Variants in CIP2A observed in about 807,000 individuals in gnomAD.
CIP2A encodes the protein cellular inhibitor of PP2A.
A neutral mutation model predicts 110.9 loss-of-function variants in CIP2A; 103 were observed. The observed-to-expected ratio is 0.93, with a 90% CI of 0.79 to 1.09. The LOEUF (loss-of-function observed/expected upper bound fraction) is 1.09. Ranked by LOEUF, CIP2A falls within the 50% of genes least tolerant of loss-of-function variation. The probability of loss-of-function intolerance (pLI) is 0.00; values close to 1 mark genes in which losing one functional copy is unlikely to be tolerated. For synonymous variants in CIP2A, 381 were observed against 361.6 expected (o/e 1.05, Z -0.61); for missense variants, 1,088 against 1,038.4 (o/e 1.05, Z -0.66).
intron 4 of CIP2A, 141 bp from the exon 5 acceptor site, chr3:108,581,652 A>G (rs908554075): frequency 5.0e-6 from 3 of 595,416 alleles, no homozygotes; most frequent in South Asian, 2.2e-5. Context: ...ACTAATTAAC[A>G]TAAGAAGCCA....
Position 108,583,111 on chromosome 3 carries a change from A to G in CIP2A, c.251-28T>C, listed in dbSNP as rs767997566. ...ATAAGTTAAAATAAAAGCACAAAAT[A>G]TATCATTTTCTTACAAGGTTTTGCA... On this transcript the variant is annotated intron_variant, in intron 2 of 20. Transcript: ENST00000295746. 4.8e-6 allele frequency: 6 copies of G among 1,260,552 alleles called. 1 individual carries two copies. In the Middle Eastern group the frequency reaches 7.6e-4, roughly 160 times the overall value. 78.1% of individuals were successfully genotyped at this position (1,260,552 alleles called of 1,614,324 possible).
At chr3:108,576,427 T>C in intron 7 of CIP2A, 81 bp from the exon 8 acceptor site, 1 of 732,496 alleles carries the variant, frequency 1.4e-6, no homozygotes, top group Non-Finnish European at 2.2e-6. Context: ...AAGATAAATA[T>C]AAAATTTATG....
Position 108,589,395 on chromosome 3 carries a change from C to G in CIP2A, c.-20G>C, listed in dbSNP as rs573248436. On this transcript the variant is annotated 5_prime_UTR_variant, in exon 1 of 21. Transcript: ENST00000295746. ...GTCCATTGCACCGGCCGCGGCCCGG[C>G]TTAGGGACCACCACCGCCCAGCGTG... 1 of 1,580,576 alleles carries G rather than the reference C, an allele frequency of 6.3e-7. No homozygotes were observed. The highest frequency in any genetic ancestry group is 1.3e-5 in the African/African-American group (1 of 74,184).
At position 108,576,215 on chromosome 3, in the gene CIP2A, G is replaced by C. The variant is rs1938645878; in HGVS notation, c.894+56C>G. ...TTCTGTATTTTGCAGTTTTTTAAAA[G>C]TTTCGGCATTTTGCAGTTTTTAAAA... On this transcript the variant is annotated intron_variant, in intron 8 of 20. Coordinates refer to ENST00000295746, the MANE Select transcript of CIP2A (RefSeq NM_020890.3). 2.7e-6 allele frequency: 3 copies of C among 1,121,152 alleles called. No homozygotes were observed. The East Asian group carries it at 7.7e-5, about 29-fold the overall frequency. 69.5% of individuals were successfully genotyped at this position (1,121,152 alleles called of 1,614,324 possible). A position where few individuals can be genotyped will look rare whatever the true frequency, so the allele number is the denominator to read the frequency against.
chr3:108,567,814 A>C (rs1341668325), intron 10 of CIP2A, among the ~76,000 whole-genome samples: 5 of 151,948 alleles, frequency 3.3e-5, no homozygotes, highest in Non-Finnish European at 7.4e-5. Flanking sequence ...AATAATTAGC[A>C]TCAAGCAGAA....
intron 7 of CIP2A, 39 bp from the exon 8 acceptor site, chr3:108,576,385 TA>T: frequency 9.7e-7 from 1 of 1,032,838 alleles, no homozygotes; most frequent in Non-Finnish European, 1.4e-6. Context: ...ATGATAAATA[TA>T]AAATTGATAC....
At chr3:108,567,961 A>C (rs1374967534) in intron 10 of CIP2A, among the ~76,000 whole-genome samples, 194 bp downstream of exon 10, 2 of 152,010 alleles carry the variant, frequency 1.3e-5, no homozygotes, top group African/African-American at 4.8e-5. Flanking sequence ...ACAGAAAAAT[A>C]AGGAAAAAAA....
At chr3:108,553,112 T>C (rs1367967584) in intron 19 of CIP2A, among the ~76,000 whole-genome samples, 2 of 143,932 alleles carry the variant, frequency 1.4e-5, no homozygotes, top group Non-Finnish European at 1.5e-5. Context: ...CAATCATCTC[T>C]TTCCTTTTGT....
At chr3:108,575,903 C>CTCATATACATGTGTATGAGT (rs1559699776) in intron 8 of CIP2A, among the ~76,000 whole-genome samples, 6 of 131,166 alleles carry the variant, frequency 4.6e-5, no homozygotes, top group African/African-American at 1.8e-4. Flanking sequence ...AGTATATATA[C>CTCATATACATGTGTATGAGT]ATATATACAT....
rs759236757 is a variant in CIP2A at position 108,568,252 on chromosome 3, T to A, written c.1176A>T (p.Thr392=). The change falls in exon 10 of 21, where the codon ACA becomes ACT. Residue 392 remains threonine (T), a synonymous_variant. Transcript: ENST00000295746. ...CTGTGAACTGAAGTTGATCAAGGAT[T>A]GTAGGCAGCAGAAGGGTCACAAAAC... ...ADRFVTLLLP[T]ILDQLQFTEQ... 6.2e-7 allele frequency: 1 copy of A among 1,612,366 alleles called. No homozygotes were observed. The highest frequency in any genetic ancestry group is 1.1e-5 in the South Asian group (1 of 91,034).
chr3:108,569,796 T>C (rs1183388198), intron 8 of CIP2A, among the ~76,000 whole-genome samples, 189 bp from the exon 9 acceptor site: 1 of 152,044 alleles, frequency 6.6e-6, no homozygotes, highest in Non-Finnish European at 1.5e-5. Flanking sequence ...ATAAACTTAT[T>C]AATGGTGGTT....
intron 1 of CIP2A, among the ~76,000 whole-genome samples, chr3:108,588,661 T>C (rs1939176076): frequency 6.6e-6 from 1 of 152,048 alleles, no homozygotes; most frequent in African/African-American, 2.4e-5. Context: ...AAGATTAAGA[T>C]CCTAAAACAA....
At chr3:108,560,071 T>G in intron 14 of CIP2A, 43 bp from the exon 15 acceptor site, 1 of 1,151,452 alleles carries the variant, frequency 8.7e-7, no homozygotes, top group East Asian at 2.5e-5. Flanking sequence ...TAATAAAATA[T>G]TTTGACACAA....
At chr3:108,559,557 A>G (rs1937927331) in intron 16 of CIP2A, among the ~76,000 whole-genome samples, 200 bp downstream of exon 16, 4 of 152,172 alleles carry the variant, frequency 2.6e-5, no homozygotes, top group Admixed American at 1.3e-4. Flanking sequence ...ACATAGGAAA[A>G]TAATACAAGG....
Position 108,582,167 on chromosome 3 carries a change from G to A in CIP2A, c.393C>T (p.Val131=). ...IQLLQKLTYN[V]KIFYSGANID... ...TATTGGCACCAGAATAGAAAATTTT[G>A]ACATTATATGTTAACTTCTGTAGAA... Residue 131 remains valine, a synonymous_variant, in exon 4 of 21, where the codon GTC becomes GTT. Transcript: ENST00000295746. 6.7e-7 allele frequency: 1 copy of A among 1,484,918 alleles called. No homozygotes were observed. The highest frequency in any genetic ancestry group is 1.2e-5 in the South Asian group (1 of 80,104). The allele number at this position is 1,484,918 out of a possible 1,614,324, so 92.0% of individuals were successfully genotyped here.
intron 8 of CIP2A, among the ~76,000 whole-genome samples, chr3:108,571,736 T>G (rs1447707869): frequency 6.6e-6 from 1 of 152,184 alleles, no homozygotes; most frequent in African/African-American, 2.4e-5. Flanking sequence ...CAGTACTACA[T>G]TTTGTACACA....
chr3:108,580,436 AACACACACACACAC>A (rs375166090), intron 5 of CIP2A, among the ~76,000 whole-genome samples: 13 of 142,260 alleles, frequency 9.1e-5, no homozygotes, highest in South Asian at 2.3e-4. Flanking sequence ...CAGAAATTGA[AACACACACACACAC>A]ACACACACAC....
chr3:108,556,220 G>A (rs548067680), intron 17 of CIP2A, among the ~76,000 whole-genome samples: 1 of 152,162 alleles, frequency 6.6e-6, no homozygotes, highest in Non-Finnish European at 1.5e-5. Flanking sequence ...TTATTGATGG[G>A]AAATAAGCAT....
At chr3:108,551,677 TACTC>T (rs1396478360) in intron 20 of CIP2A, among the ~76,000 whole-genome samples, 1 of 152,226 alleles carries the variant, frequency 6.6e-6, no homozygotes, top group East Asian at 1.9e-4. Flanking sequence ...CCTCTTCTGT[TACTC>T]AGTAGTAGTA....
Sources: gnomAD v4.1 joint callset for allele counts (sites outside exome capture counted in the v4.1 genomes callset) on GRCh38, gnomAD v4.1.1 for gene constraint, MANE v1.5 for transcripts, NCBI Gene and HGNC (gene_info 2026-07-23, HGNC 2026-07-21) for gene names.